GRHL2: variants seen among roughly 807,000 people sequenced by gnomAD.
GRHL2 encodes the protein grainyhead like transcription factor 2, also known as grainyhead-like protein 2 homolog.
In GRHL2, 21 loss-of-function variants were observed where a neutral mutation model predicts 83.8. The ratio of observed to expected loss-of-function variants is 0.25; its 90% CI spans 0.18 to 0.36. The LOEUF (loss-of-function observed/expected upper bound fraction) is 0.36. Ranked by LOEUF, GRHL2 falls within the 10% of genes least tolerant of loss-of-function variation. The pLI is 1.00. For synonymous variants in GRHL2, 280 were observed against 278.9 expected (o/e 1.00, Z -0.04); for missense variants, 623 against 781.8 (o/e 0.80, Z 2.42).
chr8:101,573,701 A>T lies in GRHL2; in HGVS notation c.768A>T (p.Lys256Asn). The change falls in exon 6 of 16, where the codon AAA (lysine) becomes AAT (asparagine). Residue 256 changes from lysine (K) to asparagine (N), a missense_variant. Physicochemically the swap from Lys to Asn is moderately conservative, Grantham distance 94. Around this residue, in one of 8 missense-constraint regions of GRHL2, gnomAD observed 239 missense variants for 240.5 expected, o/e 0.99. Transcript: ENST00000646743. ...GTFQYTLEAT[K>N]SLRQKQGEGP... ...TTCAGTACACCCTGGAAGCCACCAA[A>T]TCTCTCCGTCAGAAGCAGGGGGAGG... is the stretch of plus-strand genomic sequence containing the variant. 6.2e-7 allele frequency: 1 copy of T among 1,614,142 alleles called. No homozygotes were observed. The highest frequency in any genetic ancestry group is 8.5e-7 in the Non-Finnish European group (1 of 1,180,026).
At chr8:101,604,404 T>A (rs1292352318) in intron 8 of GRHL2, among the ~76,000 whole-genome samples, 1 of 152,164 alleles carries the variant, frequency 6.6e-6, no homozygotes, top group East Asian at 1.9e-4. Flanking sequence ...CTCCTAGATT[T>A]CTAAGGAGAG....
At chr8:101,561,156 T>A (rs1811601399) in intron 4 of GRHL2, among the ~76,000 whole-genome samples, 1 of 117,468 alleles carries the variant, frequency 8.5e-6, no homozygotes, top group Non-Finnish European at 1.7e-5. Context: ...TTCGAAGTAA[T>A]TTTTTTTTTT....
At chr8:101,606,999 T>A (rs1419549990) in intron 8 of GRHL2, among the ~76,000 whole-genome samples, 4 of 152,230 alleles carry the variant, frequency 2.6e-5, no homozygotes, top group Non-Finnish European at 5.9e-5. Flanking sequence ...ATTCAGTCTC[T>A]TTGGGTGAAA....
intron 7 of GRHL2, among the ~76,000 whole-genome samples, chr8:101,584,045 A>G (rs1241199414): frequency 1.3e-5 from 2 of 152,252 alleles, no homozygotes; most frequent in Admixed American, 6.5e-5. Flanking sequence ...AAACATCATT[A>G]TAGTCACATC....
In GRHL2 at chr8:101,669,097, A is replaced by ATGTT. The variant is rs2129791718; in HGVS notation, c.*2395_*2398dup. On this transcript the variant is annotated 3_prime_UTR_variant, in exon 16 of 16. Transcript: ENST00000646743. ...TTTGCCTTTGATGTGTCCGCTGTGT[A>ATGTT]TGTTAGCTGAACTTTGATGAGCAAA... 6.6e-6 allele frequency: 1 copy of ATGTT among 152,258 alleles called. No individual in the cohort carries two copies. The highest frequency in any genetic ancestry group is 2.1e-4 in the South Asian group (1 of 4,824). 9.4% of individuals were successfully genotyped at this position (152,258 alleles called of 1,614,324 possible).
chr8:101,529,065 A>G (rs1408725523), intron 1 of GRHL2: 6 of 382,386 alleles, frequency 1.6e-5, no homozygotes, highest in Non-Finnish European at 3.1e-5. Flanking sequence ...CAGTTTTTTC[A>G]GGGAGTTCTT....
At chr8:101,652,384 GGTGTGT>G (rs1269980354) in intron 14 of GRHL2, among the ~76,000 whole-genome samples, 1 of 61,438 alleles carries the variant, frequency 1.6e-5, no homozygotes, top group African/African-American at 1.0e-4. Flanking sequence ...ATGTGTGTGT[GGTGTGT>G]GTGTGTGTCT....
At chr8:101,539,207 A>G (rs1811102571) in intron 1 of GRHL2, among the ~76,000 whole-genome samples, 1 of 152,160 alleles carries the variant, frequency 6.6e-6, no homozygotes, top group African/African-American at 2.4e-5. Context: ...AGCCAGTGTT[A>G]TAATTAACAC....
chr8:101,616,541 T>G (rs895885666), intron 8 of GRHL2, among the ~76,000 whole-genome samples: 5 of 152,166 alleles, frequency 3.3e-5, no homozygotes, highest in African/African-American at 1.2e-4. Flanking sequence ...TCTTTAGTCA[T>G]TCTCTTTTTC....
At chr8:101,618,389 G>T (rs189280176) in intron 8 of GRHL2, among the ~76,000 whole-genome samples, 1 of 152,030 alleles carries the variant, frequency 6.6e-6, no homozygotes, top group African/African-American at 2.4e-5. Context: ...CTCTTGATGC[G>T]CTGTGCTGTA....
At chr8:101,562,700 G>T (rs1304701292) in intron 4 of GRHL2, among the ~76,000 whole-genome samples, 1 of 152,184 alleles carries the variant, frequency 6.6e-6, no homozygotes, top group Non-Finnish European at 1.5e-5. Flanking sequence ...TGATATAATT[G>T]TTGGTACCTT....
chr8:101,618,629 C>T (rs970577708), intron 8 of GRHL2, among the ~76,000 whole-genome samples: 2 of 151,892 alleles, frequency 1.3e-5, no homozygotes, highest in Admixed American at 6.6e-5. Context: ...GGGCATTTGA[C>T]TCCCAATCTC....
At chr8:101,654,894 G>T (rs1014022729) in intron 14 of GRHL2, among the ~76,000 whole-genome samples, 1 of 152,170 alleles carries the variant, frequency 6.6e-6, no homozygotes, top group Non-Finnish European at 1.5e-5. Context: ...CATTAAAGAA[G>T]TCTCCAGGCC....
At chr8:101,629,821 C>T (rs944064520) in intron 9 of GRHL2, among the ~76,000 whole-genome samples, 5 of 152,086 alleles carry the variant, frequency 3.3e-5, no homozygotes, top group African/African-American at 1.2e-4. Flanking sequence ...GCGCATTTAA[C>T]ACTTCATTTT....
chr8:101,505,707 AG>A (rs1810327490), intron 1 of GRHL2, among the ~76,000 whole-genome samples: 1 of 152,120 alleles, frequency 6.6e-6, no homozygotes, highest in Non-Finnish European at 1.5e-5. Context: ...ACATTCTATA[AG>A]GTATGTTTTG....
Position 101,564,171 on chromosome 8 carries a change from T to C in GRHL2, c.678+5359T>C, listed in dbSNP as rs556393073. Reference sequence around the variant, plus strand: ...TGAGCTGCTGTCCTTGTCTTGGAAATCAGTGTTTACATGGCATGTTGTATT... The same window carrying C: ...TGAGCTGCTGTCCTTGTCTTGGAAACCAGTGTTTACATGGCATGTTGTATT... On this transcript the variant is annotated intron_variant, in intron 4 of 15. Transcript: ENST00000646743. Among the ~76,000 whole-genome samples, 21 of 152,348 alleles carry C rather than the reference T, an allele frequency of 1.4e-4. No individual in the cohort carries two copies. The South Asian group carries it at 4.4e-3, about 32-fold the overall frequency.
At chr8:101,505,133 G>A (rs1049000319) in intron 1 of GRHL2, among the ~76,000 whole-genome samples, 1 of 152,136 alleles carries the variant, frequency 6.6e-6, no homozygotes, top group African/African-American at 2.4e-5. Context: ...TTGGCCGTGT[G>A]CTCAAAAGTG....
chr8:101,627,323 A>G (rs1813099687), intron 9 of GRHL2, among the ~76,000 whole-genome samples: 1 of 151,860 alleles, frequency 6.6e-6, no homozygotes, highest in South Asian at 2.1e-4. Flanking sequence ...CATTTCAAAC[A>G]TTTTCATTAT....
chr8:101,631,087 A>G (rs1030144660), intron 9 of GRHL2, among the ~76,000 whole-genome samples: 2 of 152,210 alleles, frequency 1.3e-5, no homozygotes, highest in African/African-American at 4.8e-5. Flanking sequence ...TATTAAAACA[A>G]AAACAAAAAC....
Sources: allele counts gnomAD v4.1 joint callset (sites outside exome capture counted in the v4.1 genomes callset), GRCh38; gene constraint gnomAD v4.1.1; regional missense constraint gnomAD v4.1.1; transcripts MANE v1.5; gene names NCBI Gene and HGNC (gene_info 2026-07-23, HGNC 2026-07-21).